SRRM2: variants seen among roughly 807,000 people sequenced by gnomAD.
SRRM2 encodes serine/arginine repetitive matrix 2.
A neutral mutation model predicts 213.8 loss-of-function variants in SRRM2; 30 were observed. The observed-to-expected ratio is 0.14, with a 90% CI of 0.10 to 0.19. The LOEUF is 0.19. Among genes scored for constraint, SRRM2 ranks in the 10% least tolerant of loss-of-function variants. The pLI, the probability that SRRM2 is intolerant of heterozygous loss-of-function variation, is 1.00. For missense variants in SRRM2, 4,904 were observed against 3,647.0 expected (o/e 1.34, Z -8.88); for synonymous variants, 2,025 against 1,377.7 (o/e 1.47, Z -10.40).
At chr16:2,757,967 C>T (rs941782214) in intron 4 of SRRM2, 22 bp downstream of exon 4, 27 of 1,591,324 alleles carry the variant, frequency 1.7e-5, no homozygotes, top group Non-Finnish European at 2.1e-5. Flanking sequence ...CAAGAAACCA[C>T]TGTCAGCTTC....
At position 2,757,566 on chromosome 16, in the gene SRRM2, G is replaced by T; in HGVS notation, c.337G>T (p.Gly113Trp). ...CCCTGGGGGCAAGGAGGAGACCCCA[G>T]GGCAGAGGCCAGCGTGAGTGTTGCG... is the stretch of plus-strand genomic sequence containing the variant. ...VNPGGKEETP[G>W]QRPAVTETHQ... is the part of the protein sequence containing the mutation. Residue 113 changes from glycine (G) to tryptophan (W), a missense_variant, in exon 3 of 15, where the codon GGG (glycine) becomes TGG (tryptophan). Gly to Trp is a radical substitution (Grantham distance 184, BLOSUM62 -2). Coordinates refer to ENST00000301740, the MANE Select transcript of SRRM2 (RefSeq NM_016333.4). The T allele has an allele frequency of 6.2e-7, 1 of 1,613,824 alleles. No individual in the cohort carries two copies. Among genetic ancestry groups the T allele is most frequent in the Non-Finnish European group, 8.5e-7 (1 of 1,179,776 alleles).
In SRRM2 at chr16:2,764,143, A is replaced by G; in HGVS notation, c.3615A>G (p.Thr1205=). 1 of 1,614,196 alleles carries G rather than the reference A, an allele frequency of 6.2e-7. No homozygotes were observed. The highest frequency in any genetic ancestry group is 8.5e-7 in the Non-Finnish European group (1 of 1,180,036). ...RPESSLVFKD[T]LRTPPRERSG... ...AGTCTTCACTGGTATTCAAAGACAC[A>G]CTTAGAACCCCGCCAAGGGAAAGAA... Residue 1205 remains threonine, a synonymous_variant, in exon 11 of 15, where the codon ACA becomes ACG. Coordinates refer to ENST00000301740, the MANE Select transcript of SRRM2 (RefSeq NM_016333.4).
In SRRM2 at chr16:2,770,361, C is replaced by T. The variant is rs563737525; in HGVS notation, c.8031C>T (p.Ser2677=). 15 of 1,598,654 alleles carry T rather than the reference C, an allele frequency of 9.4e-6. No homozygotes were observed. The highest frequency in any genetic ancestry group is 1.3e-5 in the African/African-American group (1 of 74,722). Residue 2677 remains serine (S), a synonymous_variant, in exon 13 of 15, where the codon AGC becomes AGT. Coordinates refer to ENST00000301740, the MANE Select transcript of SRRM2 (RefSeq NM_016333.4). The stretch of plus-strand genomic sequence containing the variant: ...CTACTGTGTTCCCCAGGTCCCGCAG[C>T]CCCCGGAAGCCAATAGACTCCCTCA... ...KPPPGERRSR[S]PRKPIDSLRD... is the part of the protein sequence containing the mutation.
rs2068185563 is a variant in SRRM2 at position 2,757,469 on chromosome 16, C to T, written c.243-3C>T. The T allele has an allele frequency of 1.9e-6, 3 of 1,613,780 alleles. 1 individual carries two copies. Among genetic ancestry groups the T allele is most frequent in the Middle Eastern group, 3.3e-4 (2 of 6,060 alleles). On this transcript the variant is annotated splice_polypyrimidine_tract_variant and splice_region_variant and intron_variant, in intron 2 of 14. Coordinates refer to ENST00000301740, the MANE Select transcript of SRRM2 (RefSeq NM_016333.4). ...CTTAACCCTGAAGGGATTTGTTCTTCAGGTACGAGGAACAGCAAATTCAGG... is the reference window on the plus strand; with the variant it reads ...CTTAACCCTGAAGGGATTTGTTCTTTAGGTACGAGGAACAGCAAATTCAGG...
rs1596283939 is a variant in SRRM2 at position 2,765,052 on chromosome 16, G to A, written c.4524G>A (p.Lys1508=). The A allele has an allele frequency of 6.2e-7, 1 of 1,613,988 alleles. No homozygotes were observed. Among genetic ancestry groups the A allele is most frequent in the Non-Finnish European group, 8.5e-7 (1 of 1,180,020 alleles). ...CATCATCCCCAGAGCTCAACAACAA[G>A]TGTCTTACCCCCCAGAGAGAAAGAA... is the stretch of plus-strand genomic sequence containing the variant. ...RSPSSPELNN[K]CLTPQRERSG... Residue 1508 remains lysine (K), a synonymous_variant, in exon 11 of 15, where the codon AAG becomes AAA. Coordinates refer to ENST00000301740, the MANE Select transcript of SRRM2 (RefSeq NM_016333.4).
At position 2,766,107 on chromosome 16, in the gene SRRM2, C is replaced by T. The variant is rs763967336; in HGVS notation, c.5579C>T (p.Pro1860Leu). Residue 1860 changes from proline (P) to leucine (L), a missense_variant, in exon 11 of 15, where the codon CCG (proline) becomes CTG (leucine). Pro to Leu is a moderately conservative substitution (Grantham distance 98). Transcript: ENST00000301740. The surrounding 1 kb of genome is among the most constrained non-coding windows in gnomAD (Gnocchi z 7.0). ...KRSRSRTSPA[P>L]WKRSRSRASP... is the part of the protein sequence containing the mutation. The stretch of plus-strand genomic sequence containing the variant: ...TCTCGCTCACGCACATCACCAGCCC[C>T]GTGGAAACGCTCTAGATCTCGAGCC... The T allele has an allele frequency of 2.3e-5, 37 of 1,614,022 alleles. No homozygotes were observed. The highest frequency in any genetic ancestry group is 3.3e-4 in the Middle Eastern group (2 of 6,084).
intron 1 of SRRM2, among the ~76,000 whole-genome samples, chr16:2,754,871 G>T (rs2068085663): frequency 6.6e-6 from 1 of 152,134 alleles, no homozygotes; most frequent in Non-Finnish European, 1.5e-5. Context: ...TCCAGGTTTA[G>T]CCTCTTCTGT....
chr16:2,758,561 A>G lies in SRRM2; in HGVS notation c.593+14A>G. On this transcript the variant is annotated intron_variant, in intron 5 of 14. Transcript: ENST00000301740. The stretch of plus-strand genomic sequence containing the variant: ...AGATAGAGGACGGTAAGTTAGTTGG[A>G]AAGTGACTCTGATAGCCAGAGGACC... The G allele has an allele frequency of 1.2e-6, 2 of 1,611,114 alleles. No individual in the cohort carries two copies.
chr16:2,769,167 C>T lies in SRRM2; in HGVS notation c.7904C>T (p.Ser2635Phe), dbSNP rs141137959. 2 of 1,612,504 alleles carry T rather than the reference C, an allele frequency of 1.2e-6. No individual in the cohort carries two copies. Among genetic ancestry groups the T allele is most frequent in the South Asian group, 1.1e-5 (1 of 90,884 alleles). ...SSSSSSSSSS[S>F]SSSSSSSSSS... ...TCTTCCTCCTCCTCTTCCTCTTCTTCTTCTTCCTCCTCATCTTCCTCCTCC... is the reference window on the plus strand; with the variant it reads ...TCTTCCTCCTCCTCTTCCTCTTCTTTTTCTTCCTCCTCATCTTCCTCCTCC... The change falls in exon 12 of 15, where the codon TCT (serine) becomes TTT (phenylalanine). Residue 2635 changes from serine (S) to phenylalanine (F), a missense_variant. Coordinates refer to ENST00000301740, the MANE Select transcript of SRRM2 (RefSeq NM_016333.4).
Position 2,771,355 on chromosome 16 carries a change from T to A in SRRM2, c.*488T>A, listed in dbSNP as rs1374951885. ...GTTTCTTAAAGGCATTTTGGTTTTT[T>A]AAAATCTGTACAGCAAGAGCAACTT... On this transcript the variant is annotated 3_prime_UTR_variant, in exon 15 of 15. Coordinates refer to ENST00000301740, the MANE Select transcript of SRRM2 (RefSeq NM_016333.4). The A allele has an allele frequency of 3.2e-6, 5 of 1,585,118 alleles. No homozygotes were observed. The Admixed American group carries it at 5.0e-5, about 16-fold the overall frequency.
At chr16:2,759,540 C>T in intron 8 of SRRM2, 29 bp from the exon 9 acceptor site, 2 of 1,609,988 alleles carry the variant, frequency 1.2e-6, no homozygotes, top group Non-Finnish European at 1.7e-6. Context: ...ACAGCAGTAC[C>T]CTGAGCTGTG....
At chr16:2,760,659 T>G (rs1375758670) in intron 10 of SRRM2, 160 bp downstream of exon 10, 1 of 746,752 alleles carries the variant, frequency 1.3e-6, no homozygotes, top group African/African-American at 1.8e-5. Context: ...TGCAGAACTT[T>G]TAGTGTTGTT....
At chr16:2,753,685 G>A (rs1376692957) in intron 1 of SRRM2, 3 of 152,206 alleles carry the variant, frequency 2.0e-5, no homozygotes, top group Admixed American at 6.5e-5. Context: ...CTCTTCTGAA[G>A]CTTGGTTTCC....
At position 2,769,009 on chromosome 16, in the gene SRRM2, C is replaced by T; in HGVS notation, c.7746C>T (p.Pro2582=). 6.2e-7 allele frequency: 1 copy of T among 1,613,720 alleles called. No homozygotes were observed. The change falls in exon 12 of 15, where the codon CCC becomes CCT. Residue 2582 remains proline, a synonymous_variant. Coordinates refer to ENST00000301740, the MANE Select transcript of SRRM2 (RefSeq NM_016333.4). ...PEVALKRVPS[P]TPAPKEAVRE... is the part of the protein sequence containing the mutation. ...TCTCCTCCCACAGGGTCCCCAGCCCCACCCCAGCCCCAAAGGAGGCTGTTC... is the reference window on the plus strand; with the variant it reads ...TCTCCTCCCACAGGGTCCCCAGCCCTACCCCAGCCCCAAAGGAGGCTGTTC...
rs765711735 is a variant in SRRM2, at chr16:2,757,787, G to A, written c.357G>A (p.Thr119=). 6.2e-6 allele frequency: 10 copies of A among 1,613,742 alleles called. No individual in the cohort carries two copies. The Admixed American group carries it at 6.7e-5, about 11-fold the overall frequency. ...EETPGQRPAV[T]ETHQLAELNE... is the part of the protein sequence containing the mutation. Reference sequence around the variant, plus strand: ...TTGCCCTTCTTTTCTCTAGGGTCACGGAGACTCACCAGTTGGCAGAATTAA... The same window carrying A: ...TTGCCCTTCTTTTCTCTAGGGTCACAGAGACTCACCAGTTGGCAGAATTAA... Residue 119 remains threonine (T), a synonymous_variant, in exon 4 of 15, where the codon ACG becomes ACA. Transcript: ENST00000301740.
intron 4 of SRRM2, 76 bp downstream of exon 4, chr16:2,758,021 G>A (rs1046798328): frequency 1.6e-5 from 24 of 1,511,934 alleles, no homozygotes; most frequent in African/African-American, 4.2e-5. Context: ...GTCTTTTTGC[G>A]GGCTGGTTTC....
At position 2,763,635 on chromosome 16, in the gene SRRM2, G is replaced by C. The variant is rs72768765; in HGVS notation, c.3107G>C (p.Cys1036Ser). The change falls in exon 11 of 15, where the codon TGT (cysteine) becomes TCT (serine). Residue 1036 changes from cysteine (C) to serine (S), a missense_variant. Cys to Ser is a moderately radical substitution (Grantham distance 112). Transcript: ENST00000301740. ...AGTTGCCCTGGATCCCTCTCTCTCTGTGCAGGAGTAAAATCTAGCACACCA... is the reference window on the plus strand; with the variant it reads ...AGTTGCCCTGGATCCCTCTCTCTCTCTGCAGGAGTAAAATCTAGCACACCA... The part of the protein sequence containing the change: ...VQSCPGSLSL[C>S]AGVKSSTPPG... The C allele has an allele frequency of 4.9e-3, 7,832 of 1,614,094 alleles. 35 individuals are homozygous for C. The highest frequency in any genetic ancestry group is 6.0e-3 in the Non-Finnish European group (7,099 of 1,180,030).
rs150436880 is a variant in SRRM2 at position 2,762,748 on chromosome 16, A to C, written c.2220A>C (p.Arg740Ser). 1,016 of 1,614,056 alleles carry C rather than the reference A, an allele frequency of 6.3e-4. 2 individuals carry two copies. The highest frequency in any genetic ancestry group is 7.4e-4 in the Non-Finnish European group (877 of 1,180,036). Residue 740 changes from arginine (R) to serine (S), a missense_variant, in exon 11 of 15, where the codon AGA becomes AGC. Coordinates refer to ENST00000301740, the MANE Select transcript of SRRM2 (RefSeq NM_016333.4). ...RKNKSRTSQR[R>S]SRSNSSPEMK... The stretch of plus-strand genomic sequence containing the variant: ...ACAAATCCAGAACATCTCAAAGAAG[A>C]AGCAGGTCCAATTCAAGCCCAGAAA...
chr16:2,760,250 C>G, intron 9 of SRRM2, 51 bp from the exon 10 acceptor site: 1 of 1,567,802 alleles, frequency 6.4e-7, no homozygotes, highest in Non-Finnish European at 8.7e-7. Flanking sequence ...TTTCTGTTCT[C>G]CCTTTGAGCT....
Sources: gnomAD v4.1 joint callset for allele counts (sites outside exome capture counted in the v4.1 genomes callset) on GRCh38, gnomAD v4.1.1 for gene constraint, Gnocchi (gnomAD v3.1) non-coding constraint, MANE v1.5 for transcripts, NCBI Gene and HGNC (gene_info 2026-07-23, HGNC 2026-07-21) for gene names.